The following IPO11 variants were observed in gnomAD, a reference collection of about 807,000 sequenced individuals.
IPO11 encodes importin 11.
A neutral mutation model predicts 143.2 loss-of-function variants in IPO11; 66 were observed. That is an observed-to-expected ratio of 0.46 (90% CI 0.38 to 0.57). The LOEUF (loss-of-function observed/expected upper bound fraction) is 0.57. Ranked by LOEUF, IPO11 falls within the 20% of genes least tolerant of loss-of-function variation. The pLI, the probability that IPO11 is intolerant of heterozygous loss-of-function variation, is 0.00. For missense variants in IPO11, 1,026 were observed against 1,141.0 expected (o/e 0.90, Z 1.45); for synonymous variants, 385 against 377.8 (o/e 1.02, Z -0.22).
intron 11 of IPO11, 55 bp downstream of exon 11, chr5:62,484,217 CTGTT>C (rs1190870094): frequency 2.8e-6 from 4 of 1,423,942 alleles, no homozygotes; most frequent in Non-Finnish European, 2.9e-6. Flanking sequence ...CTATAAATAT[CTGTT>C]TGAGTGATAG....
At chr5:62,474,552 G>T (rs1158302898) in intron 8 of IPO11, 88 bp downstream of exon 8, 7 of 886,020 alleles carry the variant, frequency 7.9e-6, no homozygotes, top group African/African-American at 1.7e-5. Context: ...ATTAATGAGG[G>T]ATTAATAGAT....
rs115515879 is a variant in IPO11 at position 62,440,003 on chromosome 5, A to T, written c.138+2586A>T. Among the ~76,000 whole-genome samples, 653 of 152,302 alleles carry T rather than the reference A, an allele frequency of 4.3e-3. 2 individuals carry two copies. The highest frequency in any genetic ancestry group is 6.9e-3 in the Non-Finnish European group (468 of 68,032). Reference sequence around the variant, plus strand: ...GTGTATTTGAGATAGACTGAGTGAGATCCACCAACTTCCACAATATTCCCA... The same window carrying T: ...GTGTATTTGAGATAGACTGAGTGAGTTCCACCAACTTCCACAATATTCCCA... On this transcript the variant is annotated intron_variant, in intron 2 of 29. Coordinates refer to ENST00000325324, the MANE Select transcript of IPO11 (RefSeq NM_016338.5).
At chr5:62,447,352 A>G (rs900609535) in intron 3 of IPO11, among the ~76,000 whole-genome samples, 3 of 152,046 alleles carry the variant, frequency 2.0e-5, no homozygotes, top group Non-Finnish European at 4.4e-5. Context: ...TGACCCTCCC[A>G]CCTTGGCCTT....
intron 19 of IPO11, among the ~76,000 whole-genome samples, chr5:62,512,040 C>T (rs1365633915): frequency 1.3e-5 from 2 of 152,186 alleles, no homozygotes; most frequent in Non-Finnish European, 2.9e-5. Context: ...TGTGGGTCCA[C>T]AGAGCACTCA....
intron 11 of IPO11, 82 bp downstream of exon 11, chr5:62,484,244 A>C (rs1342606409): frequency 9.0e-6 from 10 of 1,110,292 alleles, no homozygotes; most frequent in African/African-American, 3.3e-5. Flanking sequence ...ATAATATTGT[A>C]TTTTCATACA....
intron 29 of IPO11, among the ~76,000 whole-genome samples, chr5:62,602,994 C>T (rs1266228428): frequency 6.6e-6 from 1 of 152,054 alleles, no homozygotes. Flanking sequence ...ACTTTTCTTC[C>T]CCCAAAACAA....
chr5:62,556,553 A>C (rs1743581777), intron 26 of IPO11, among the ~76,000 whole-genome samples: 1 of 152,180 alleles, frequency 6.6e-6, no homozygotes. Flanking sequence ...AGGCTGGGTA[A>C]CAAAGCGAGA....
chr5:62,468,160 C>T (rs576880836), intron 6 of IPO11, among the ~76,000 whole-genome samples: 2 of 152,250 alleles, frequency 1.3e-5, no homozygotes, highest in African/African-American at 2.4e-5. Flanking sequence ...AAGTGATCCT[C>T]CTGCCTTGAC....
intron 16 of IPO11, among the ~76,000 whole-genome samples, chr5:62,497,738 G>A (rs1741205455): frequency 6.6e-6 from 1 of 152,222 alleles, no homozygotes; most frequent in African/African-American, 2.4e-5. Flanking sequence ...AAAGTGTTAG[G>A]ATTATAGGCA....
chr5:62,434,351 G>C (rs1235650044), intron 1 of IPO11, among the ~76,000 whole-genome samples: 1 of 152,232 alleles, frequency 6.6e-6, no homozygotes, highest in East Asian at 1.9e-4. Context: ...GCCCAGGCTG[G>C]AGTGCAGTGG....
At chr5:62,513,970 G>A (rs1167570078) in intron 19 of IPO11, among the ~76,000 whole-genome samples, 24 of 150,808 alleles carry the variant, frequency 1.6e-4, no homozygotes, top group African/African-American at 5.1e-4. Context: ...CGGGGCAGAG[G>A]CGCTCCCCAC....
At chr5:62,626,210 A>G (rs1056643015) in intron 29 of IPO11, among the ~76,000 whole-genome samples, 54 of 152,080 alleles carry the variant, frequency 3.6e-4, no homozygotes, top group African/African-American at 1.3e-3. Flanking sequence ...TTGTATTTTC[A>G]GTAGAGACGG....
chr5:62,438,014 T>C (rs918875311), intron 2 of IPO11, among the ~76,000 whole-genome samples: 1 of 152,236 alleles, frequency 6.6e-6, no homozygotes, highest in Non-Finnish European at 1.5e-5. Flanking sequence ...TGTTGAACAC[T>C]TTCCTTATAC....
intron 25 of IPO11, 27 bp downstream of exon 25, chr5:62,550,489 GTAGTGTTAGAC>G (rs1413044868): frequency 2.0e-6 from 3 of 1,467,872 alleles, no homozygotes; most frequent in African/African-American, 1.4e-5. Flanking sequence ...AGTTCCAAAG[GTAGTGTTAGAC>G]TATAGGATTC....
At chr5:62,504,073 T>C (rs1444331722) in intron 16 of IPO11, among the ~76,000 whole-genome samples, 1 of 152,200 alleles carries the variant, frequency 6.6e-6, no homozygotes. Flanking sequence ...GAGATTATGT[T>C]GTAATATGAT....
intron 27 of IPO11, among the ~76,000 whole-genome samples, chr5:62,582,256 C>G (rs1744595771): frequency 6.6e-6 from 1 of 152,124 alleles, no homozygotes; most frequent in South Asian, 2.1e-4. Context: ...GGGAAAGATG[C>G]TAGAGGCCTG....
intron 15 of IPO11, among the ~76,000 whole-genome samples, chr5:62,490,844 C>T (rs1260325217): frequency 6.6e-6 from 1 of 152,148 alleles, no homozygotes; most frequent in East Asian, 1.9e-4. Context: ...CAACCTCCAC[C>T]TCCCAGGTCC....
intron 25 of IPO11, 49 bp from the exon 26 acceptor site, chr5:62,551,174 T>C (rs770175434): frequency 9.9e-7 from 1 of 1,012,390 alleles, no homozygotes; most frequent in Non-Finnish European, 1.5e-6. Context: ...TGATTGTTTT[T>C]ACTTGTACCA....
At chr5:62,447,347 C>T (rs1744754989) in intron 3 of IPO11, among the ~76,000 whole-genome samples, 1 of 152,176 alleles carries the variant, frequency 6.6e-6, no homozygotes, top group South Asian at 2.1e-4. Flanking sequence ...GCAAGTGACC[C>T]TCCCACCTTG....
Sources: gnomAD v4.1 joint callset for allele counts (sites outside exome capture counted in the v4.1 genomes callset) on GRCh38, gnomAD v4.1.1 for gene constraint, MANE v1.5 for transcripts, NCBI Gene and HGNC (gene_info 2026-07-23, HGNC 2026-07-21) for gene names.